WDR64: variants seen among roughly 807,000 people sequenced by gnomAD.
WDR64 encodes the protein WD repeat domain 64, also known as WD repeat-containing protein 64.
WDR64 carries 112 observed loss-of-function variants against 139.3 expected under a neutral mutation model. The observed-to-expected ratio is 0.80, with a 90% CI of 0.69 to 0.94. The LOEUF is 0.94. WDR64 is among the 40% of genes least tolerant of loss of function. The pLI, the probability that WDR64 is intolerant of heterozygous loss-of-function variation, is 0.00. For synonymous variants in WDR64, 444 were observed against 437.7 expected (o/e 1.01, Z -0.18); for missense variants, 1,206 against 1,293.1 (o/e 0.93, Z 1.03).
intron 4 of WDR64, among the ~76,000 whole-genome samples, chr1:241,676,663 C>A (rs771127280): frequency 1.8e-4 from 27 of 151,558 alleles, no homozygotes; most frequent in Non-Finnish European, 3.4e-4. Flanking sequence ...CAGATGGGCA[C>A]GTGTATACTC....
chr1:241,732,853 C>A (rs1196091635), intron 10 of WDR64, among the ~76,000 whole-genome samples: 1 of 151,226 alleles, frequency 6.6e-6, no homozygotes, highest in East Asian at 1.9e-4. Flanking sequence ...AAACAAAAAA[C>A]AAAACCCAGA....
chr1:241,736,151 CCTGT>C (rs1370947861), intron 10 of WDR64, among the ~76,000 whole-genome samples: 2 of 152,120 alleles, frequency 1.3e-5, no homozygotes, highest in African/African-American at 2.4e-5. Context: ...GTCTTCTGGT[CCTGT>C]CTGTCTGCAG....
At chr1:241,770,838 TG>T in intron 18 of WDR64, 148 bp downstream of exon 18, 1 of 535,672 alleles carries the variant, frequency 1.9e-6, no homozygotes, top group Non-Finnish European at 3.0e-6. Context: ...AAAAACGCAT[TG>T]TTTTGCAAAA....
chr1:241,790,819 TTAC>T, intron 25 of WDR64, 123 bp downstream of exon 25: 2 of 771,372 alleles, frequency 2.6e-6, no homozygotes, highest in Non-Finnish European at 4.1e-6. Context: ...GTATTACAAA[TTAC>T]TATAAACTTG....
intron 8 of WDR64, among the ~76,000 whole-genome samples, chr1:241,708,511 A>C (rs1355921669): frequency 2.6e-5 from 4 of 152,004 alleles, no homozygotes; most frequent in Non-Finnish European, 5.9e-5. Flanking sequence ...ACAGGGTTTC[A>C]CCATGTTGGC....
intron 13 of WDR64, 147 bp downstream of exon 13, chr1:241,744,663 A>G: frequency 1.0e-6 from 1 of 998,972 alleles, no homozygotes; most frequent in Non-Finnish European, 1.5e-6. Context: ...GCCTGGGTGA[A>G]TAGTGGTAGA....
At chr1:241,797,593 C>A (rs1164738701) in intron 27 of WDR64, among the ~76,000 whole-genome samples, 1 of 152,134 alleles carries the variant, frequency 6.6e-6, no homozygotes, top group African/African-American at 2.4e-5. Flanking sequence ...ATATTGAAAA[C>A]TTTGCCATAA....
At chr1:241,678,939 G>A (rs1666668656) in intron 5 of WDR64, among the ~76,000 whole-genome samples, 1 of 147,028 alleles carries the variant, frequency 6.8e-6, no homozygotes, top group Admixed American at 6.9e-5. Flanking sequence ...GGCCATGCCT[G>A]AAATGCATGC....
rs1460953124 is a variant in WDR64, at chr1:241,766,202, T to C, written c.1948-16T>C. 6.2e-7 allele frequency: 1 copy of C among 1,612,738 alleles called. No homozygotes were observed. The highest frequency in any genetic ancestry group is 8.5e-7 in the Non-Finnish European group (1 of 1,179,192). On this transcript the variant is annotated splice_polypyrimidine_tract_variant and intron_variant, in intron 15 of 27. Coordinates refer to ENST00000437684, the MANE Select transcript of WDR64 (RefSeq NM_001367482.1). ...GAATACTATATTTATGGTGTTCTGT[T>C]TCCTTCGTTCTTCAGAATCCCACCA...
chr1:241,709,406 C>T (rs1045024609), intron 8 of WDR64, among the ~76,000 whole-genome samples: 2 of 152,262 alleles, frequency 1.3e-5, no homozygotes, highest in East Asian at 1.9e-4. Flanking sequence ...CTGGTTATTA[C>T]CCCTTAGGTT....
intron 4 of WDR64, 149 bp downstream of exon 4, chr1:241,674,896 T>TCCCTCCCTCTC (rs1666419065): frequency 7.9e-6 from 1 of 125,834 alleles, no homozygotes; most frequent in Non-Finnish European, 1.5e-5. Context: ...CTTGCTTTTA[T>TCCCTCCCTCTC]TTCCTTCCTC....
intron 4 of WDR64, among the ~76,000 whole-genome samples, chr1:241,674,981 T>A: frequency 2.7e-5 from 1 of 37,726 alleles, no homozygotes; most frequent in South Asian, 9.9e-4. Context: ...TCTTTCCTTC[T>A]TTCCTCCCTT....
At chr1:241,784,475 C>G (rs1432685031) in intron 23 of WDR64, among the ~76,000 whole-genome samples, 3 of 152,096 alleles carry the variant, frequency 2.0e-5, no homozygotes, top group African/African-American at 7.2e-5. Context: ...TGATAAATGT[C>G]AAGAATGACA....
intron 8 of WDR64, among the ~76,000 whole-genome samples, chr1:241,691,007 A>C (rs1667254830): frequency 1.3e-5 from 2 of 152,128 alleles, no homozygotes; most frequent in South Asian, 4.1e-4. Context: ...GCAATAATAC[A>C]AATAATGGAA....
rs571219909 is a variant in WDR64, at chr1:241,778,080, C to T, written c.2537-1924C>T. ...TATATCCTTAATGATTTTCTGCCTG[C>T]TTGGTCTGCCCATTTTTCATAGAGG... On this transcript the variant is annotated intron_variant, in intron 21 of 27. Coordinates refer to ENST00000437684, the MANE Select transcript of WDR64 (RefSeq NM_001367482.1). Among the ~76,000 whole-genome samples, 135 of 152,210 alleles carry T rather than the reference C, an allele frequency of 8.9e-4. 1 individual carries two copies. The highest frequency in any genetic ancestry group is 3.2e-3 in the African/African-American group (132 of 41,524).
In WDR64 at chr1:241,757,286, A is replaced by C. The variant is rs770837206; in HGVS notation, c.1774A>C (p.Lys592Gln). Residue 592 changes from lysine (K) to glutamine (Q), a missense_variant, in exon 15 of 28, where the codon AAG (lysine) becomes CAG (glutamine). Transcript: ENST00000437684. ...ACTCACTGGATTTCTGTTAAAGGGT[A>C]AGGAAGATGATATCTACCTCATGGT... ...RNGTIKMIQG[K>Q]EDDIYLMVIW... is the part of the protein sequence containing the mutation. 1.9e-6 allele frequency: 3 copies of C among 1,612,472 alleles called. No individual in the cohort carries two copies. The East Asian group carries it at 6.7e-5, about 36-fold the overall frequency.
At chr1:241,795,418 G>GT in intron 26 of WDR64, 131 bp downstream of exon 26, 2 of 750,152 alleles carry the variant, frequency 2.7e-6, no homozygotes, top group Non-Finnish European at 4.4e-6. Flanking sequence ...TTCCAAAAAC[G>GT]TATCATGTGC....
At chr1:241,670,096 A>G (rs1666165711) in intron 2 of WDR64, among the ~76,000 whole-genome samples, 1 of 152,198 alleles carries the variant, frequency 6.6e-6, no homozygotes, top group Admixed American at 6.5e-5. Flanking sequence ...ATTATTTTTA[A>G]GTTCGCTCAT....
chr1:241,692,825 A>C (rs371101637), intron 8 of WDR64, among the ~76,000 whole-genome samples: 1 of 152,192 alleles, frequency 6.6e-6, no homozygotes, highest in Non-Finnish European at 1.5e-5. Context: ...GATGCAAAAC[A>C]CTTTAAGTCA....
Sources: gnomAD v4.1 joint callset for allele counts (sites outside exome capture counted in the v4.1 genomes callset) on GRCh38, gnomAD v4.1.1 for gene constraint, MANE v1.5 for transcripts, NCBI Gene and HGNC (gene_info 2026-07-23, HGNC 2026-07-21) for gene names.